The following KLF8 variants were observed in gnomAD, a reference collection of about 807,000 sequenced individuals.
The protein encoded by KLF8 is Krueppel-like factor 8.
In KLF8, 10 loss-of-function variants were observed where a neutral mutation model predicts 18.2. The observed-to-expected ratio is 0.55, with a 90% confidence interval of 0.34 to 0.93. The LOEUF (loss-of-function observed/expected upper bound fraction) is 0.93. Ranked by LOEUF, KLF8 falls within the 40% of genes least tolerant of loss-of-function variation. The pLI, the probability that KLF8 is intolerant of heterozygous loss-of-function variation, is 0.02. For synonymous variants in KLF8, 109 were observed against 97.3 expected (o/e 1.12, Z -0.71); for missense variants, 264 against 277.9 (o/e 0.95, Z 0.36).
chrX:56,164,841 C>T, the KLF8 span, among the ~76,000 whole-genome samples: 34 of 87,150 alleles, frequency 3.9e-4, no homozygotes, highest in South Asian at 2.0e-3. Flanking sequence ...CATGCTGGTG[C>T]GCTGCACCCA....
the KLF8 span, among the ~76,000 whole-genome samples, chrX:56,101,391 T>C: frequency 8.9e-6 from 1 of 112,244 alleles, no homozygotes; most frequent in South Asian, 3.7e-4. Context: ...CTAGATTGAC[T>C]CCATGTCTAT....
At chrX:56,254,248 G>A (rs960206123) in intron 2 of KLF8, among the ~76,000 whole-genome samples, 6 of 112,039 alleles carry the variant, frequency 5.4e-5, no homozygotes, top group Admixed American at 2.8e-4. Flanking sequence ...CCTAGCTGGC[G>A]CTTTGGCACT....
the KLF8 span, among the ~76,000 whole-genome samples, chrX:56,128,147 A>G: frequency 8.9e-6 from 1 of 112,102 alleles, no homozygotes; most frequent in Non-Finnish European, 1.9e-5. Context: ...AAGTAAAATA[A>G]CAAGGATATT....
At chrX:56,147,776 C>T in the KLF8 span, among the ~76,000 whole-genome samples, 1 of 112,060 alleles carries the variant, frequency 8.9e-6, no homozygotes, top group Admixed American at 9.5e-5. Flanking sequence ...GTCAGGAGTT[C>T]GAGACCAGCC....
the KLF8 span, among the ~76,000 whole-genome samples, chrX:56,052,080 A>G: frequency 9.0e-6 from 1 of 111,499 alleles, no homozygotes; most frequent in Admixed American, 9.5e-5. Flanking sequence ...AGGCTTCTGC[A>G]TTATTCACGT....
At chrX:56,106,167 G>A in the KLF8 span, among the ~76,000 whole-genome samples, 1 of 110,930 alleles carries the variant, frequency 9.0e-6, no homozygotes, top group African/African-American at 3.3e-5. Flanking sequence ...CTCCATTTCA[G>A]TGTTGGTAAA....
the KLF8 span, chrX:55,961,491 C>G: frequency 7.3e-6 from 4 of 548,924 alleles, no homozygotes; most frequent in Non-Finnish European, 1.3e-5. Context: ...ACAAAGAATA[C>G]CTGCCCATTG....
the KLF8 span, among the ~76,000 whole-genome samples, chrX:56,201,329 G>A: frequency 9.0e-6 from 1 of 111,731 alleles, no homozygotes; most frequent in East Asian, 2.8e-4. Context: ...GGAGCTGGAG[G>A]ATAAGATGCT....
At chrX:56,003,058 C>T in the KLF8 span, among the ~76,000 whole-genome samples, 1 of 111,471 alleles carries the variant, frequency 9.0e-6, no homozygotes, top group Non-Finnish European at 1.9e-5. Flanking sequence ...TCCTTTCTTC[C>T]TCCTTCTCTG....
At chrX:55,935,884 C>T in the KLF8 span, among the ~76,000 whole-genome samples, 4 of 111,312 alleles carry the variant, frequency 3.6e-5, no homozygotes, top group African/African-American at 6.5e-5. Flanking sequence ...ACCAAATTCA[C>T]GATAGTAGTT....
At chrX:56,092,142 G>A in the KLF8 span, among the ~76,000 whole-genome samples, 1 of 110,221 alleles carries the variant, frequency 9.1e-6, no homozygotes, top group Non-Finnish European at 1.9e-5. Flanking sequence ...GTCTTTTCTT[G>A]TCCTTTGCCC....
chrX:56,123,309 G>GAAAGAAAGAAAGGAAAGA, the KLF8 span, among the ~76,000 whole-genome samples: 6 of 108,114 alleles, frequency 5.5e-5, no homozygotes, highest in African/African-American at 2.2e-4. Context: ...GAGAAAGAAA[G>GAAAGAAAGAAAGGAAAGA]AAAGAAAAGA....
At chrX:55,990,565 G>A in the KLF8 span, among the ~76,000 whole-genome samples, 4 of 112,086 alleles carry the variant, frequency 3.6e-5, no homozygotes, top group Non-Finnish European at 7.5e-5. Context: ...CTTTGCAGGA[G>A]GAGAGGCGCT....
At chrX:56,124,607 C>T in the KLF8 span, among the ~76,000 whole-genome samples, 1 of 111,285 alleles carries the variant, frequency 9.0e-6, no homozygotes, top group South Asian at 3.8e-4. Context: ...TGCATCATTG[C>T]CAAGGGATTT....
chrX:56,028,282 C>T, the KLF8 span, among the ~76,000 whole-genome samples: 1 of 101,466 alleles, frequency 9.9e-6, no homozygotes, highest in Admixed American at 9.8e-5. Flanking sequence ...TTTGTAACCC[C>T]ATACAACAGT....
chrX:56,075,951 T>A, the KLF8 span, among the ~76,000 whole-genome samples: 22 of 108,533 alleles, frequency 2.0e-4, no homozygotes, highest in Admixed American at 4.0e-4. Flanking sequence ...AAATTTTTTT[T>A]ATTATACTCC....
the KLF8 span, among the ~76,000 whole-genome samples, chrX:56,187,859 T>C: frequency 1.8e-5 from 2 of 111,974 alleles, no homozygotes; most frequent in African/African-American, 6.5e-5. Flanking sequence ...AATTAGGTAT[T>C]GACAGGACGT....
At chrX:56,142,071 A>G in the KLF8 span, among the ~76,000 whole-genome samples, 6 of 111,736 alleles carry the variant, frequency 5.4e-5, no homozygotes, top group Non-Finnish European at 9.4e-5. Flanking sequence ...TATCTATCAG[A>G]ACTCATTCCA....
At chrX:56,060,549 G>A in the KLF8 span, among the ~76,000 whole-genome samples, 14 of 111,756 alleles carry the variant, frequency 1.3e-4, no homozygotes, top group African/African-American at 3.6e-4. Context: ...CTTGATCATC[G>A]TGGATAAGCT....
Sources: gnomAD v4.1 joint callset for allele counts (sites outside exome capture counted in the v4.1 genomes callset) on GRCh38, gnomAD v4.1.1 for gene constraint, MANE v1.5 for transcripts, NCBI Gene and HGNC (gene_info 2026-07-23, HGNC 2026-07-21) for gene names.